The following MYOCOS variants were observed in gnomAD, a reference collection of about 807,000 sequenced individuals.
MYOCOS encodes the protein myocilin opposite strand protein.
At chr1:171,607,963 A>G (rs1652281638) in intron 1 of MYOCOS, among the ~76,000 whole-genome samples, 1 of 152,244 alleles carries the variant, frequency 6.6e-6, no homozygotes. Flanking sequence ...CAAAAGGCAC[A>G]TCTTACATGG....
At chr1:171,624,603 A>T (rs1652655249) in intron 2 of MYOCOS, among the ~76,000 whole-genome samples, 1 of 151,702 alleles carries the variant, frequency 6.6e-6, no homozygotes, top group Non-Finnish European at 1.5e-5. Context: ...CGCCCGGCTA[A>T]TATTTTGTGT....
At chr1:171,616,884 CA>C (rs1222422176) in intron 2 of MYOCOS, among the ~76,000 whole-genome samples, 8 of 152,176 alleles carry the variant, frequency 5.3e-5, no homozygotes, top group Admixed American at 2.0e-4. Flanking sequence ...GTAGCCATAA[CA>C]TGGGAAGGTT....
At chr1:171,605,396 A>C (rs7553131) in intron 1 of MYOCOS, among the ~76,000 whole-genome samples, 2,743 of 120,810 alleles carry the variant, frequency 0.023, 42 homozygotes, top group African/African-American at 0.052. Flanking sequence ...CACACACACA[A>C]AAAAAAAAAA....
Position 171,613,872 on chromosome 1 carries a change from G to A in MYOCOS, c.-251-926G>A, listed in dbSNP as rs539525685. On this transcript the variant is annotated intron_variant, in intron 1 of 3. Coordinates refer to the MYOCOS transcript ENST00000636697. ...CCTCAGCTTTTACTGCCCTTTGGCTGTGGGAAATGAAAGCCTCTTTATATG... is the reference window on the plus strand; with the variant it reads ...CCTCAGCTTTTACTGCCCTTTGGCTATGGGAAATGAAAGCCTCTTTATATG... Among the ~76,000 whole-genome samples the A allele has an allele frequency of 4.5e-5, 6 of 133,056 alleles. No individual in the cohort carries two copies. The South Asian group carries it at 8.3e-4, about 18-fold the overall frequency. The allele number at this position is 133,056 out of a possible 152,430, so 87.3% of individuals were successfully genotyped here. A position where few individuals can be genotyped will look rare whatever the true frequency, so the allele number is the denominator to read the frequency against.
chr1:171,611,513 C>T (rs1273599713), intron 1 of MYOCOS, among the ~76,000 whole-genome samples: 1 of 152,200 alleles, frequency 6.6e-6, no homozygotes, highest in Non-Finnish European at 1.5e-5. Flanking sequence ...TGCAGATGAA[C>T]TTACATTGTA....
intron 2 of MYOCOS, among the ~76,000 whole-genome samples, chr1:171,625,696 G>A (rs1241054915): frequency 6.6e-6 from 1 of 152,198 alleles, no homozygotes; most frequent in Non-Finnish European, 1.5e-5. Context: ...TAGGCCAAAG[G>A]GAGCTGTGAA....
intron 1 of MYOCOS, among the ~76,000 whole-genome samples, chr1:171,608,677 T>G (rs1455503013): frequency 6.6e-6 from 1 of 152,066 alleles, no homozygotes; most frequent in Non-Finnish European, 1.5e-5. Flanking sequence ...CGCCTCGGCC[T>G]CCCAAAGGGC....
chr1:171,621,674 C>G (rs10913314), upstream of MYOCOS, among the ~76,000 whole-genome samples: 36,431 of 151,886 alleles, frequency 0.24, 4,413 homozygotes, highest in South Asian at 0.35. Context: ...CGCGCCTGGC[C>G]TCTGTTGTGG....
upstream of MYOCOS, among the ~76,000 whole-genome samples, chr1:171,618,056 G>GAGT (rs1652483593): frequency 6.6e-6 from 1 of 152,242 alleles, no homozygotes; most frequent in Non-Finnish European, 1.5e-5. Context: ...TGTGTTGGAG[G>GAGT]TTTGAGGACA....
At chr1:171,603,621 A>G in intron 1 of MYOCOS, among the ~76,000 whole-genome samples, 1 of 152,246 alleles carries the variant, frequency 6.6e-6, no homozygotes, top group East Asian at 1.9e-4. Flanking sequence ...TGAGCTTTTC[A>G]TGAGTTAAAA....
At chr1:171,618,662 G>A (rs1372228229), upstream of MYOCOS, among the ~76,000 whole-genome samples, 7 of 152,108 alleles carry the variant, frequency 4.6e-5, no homozygotes, top group East Asian at 3.9e-4. Context: ...TGCAACCTCC[G>A]CCTCCTGGGT....
At chr1:171,618,048 T>G (rs1266227591), upstream of MYOCOS, among the ~76,000 whole-genome samples, 1 of 152,168 alleles carries the variant, frequency 6.6e-6, no homozygotes, top group Non-Finnish European at 1.5e-5. Flanking sequence ...TGGGAAGATG[T>G]GTTGGAGGTT....
chr1:171,612,501 T>A (rs1308353746), intron 1 of MYOCOS, among the ~76,000 whole-genome samples: 1 of 151,962 alleles, frequency 6.6e-6, no homozygotes, highest in Non-Finnish European at 1.5e-5. Context: ...ACTTAGCATT[T>A]CCCACTACAA....
chr1:171,602,587 A>T (rs1652163845), intron 1 of MYOCOS, among the ~76,000 whole-genome samples: 1 of 152,178 alleles, frequency 6.6e-6, no homozygotes, highest in South Asian at 2.1e-4. Flanking sequence ...AACAAAAATT[A>T]TAAAAAGTTA....
intron 1 of MYOCOS, among the ~76,000 whole-genome samples, chr1:171,609,884 A>G (rs1652324950): frequency 6.6e-6 from 1 of 152,204 alleles, no homozygotes; most frequent in Non-Finnish European, 1.5e-5. Context: ...AAGATCTTTC[A>G]TGAATTTGCT....
chr1:171,625,178 C>T (rs1175128750), intron 2 of MYOCOS, among the ~76,000 whole-genome samples: 4 of 152,152 alleles, frequency 2.6e-5, no homozygotes, highest in Non-Finnish European at 4.4e-5. Flanking sequence ...CGGGTTTAGA[C>T]CGTGAGAGTG....
At chr1:171,619,965 C>T (rs1170381056), upstream of MYOCOS, among the ~76,000 whole-genome samples, 1 of 150,936 alleles carries the variant, frequency 6.6e-6, no homozygotes, top group Non-Finnish European at 1.5e-5. Context: ...ACTCCAAGTT[C>T]TTCAGTTTTG....
chr1:171,622,127 T>C (rs1652587766), upstream of MYOCOS: 1 of 152,182 alleles, frequency 6.6e-6, no homozygotes, highest in Non-Finnish European at 1.5e-5. Flanking sequence ...TCAGTGATTA[T>C]TGATGGCACT....
chr1:171,617,319 C>T (rs1029436110), upstream of MYOCOS, among the ~76,000 whole-genome samples: 11 of 151,942 alleles, frequency 7.2e-5, no homozygotes, highest in African/African-American at 2.4e-4. Context: ...ACCTGACACG[C>T]GATTAAGTGA....
Sources: allele counts gnomAD v4.1 joint callset (sites outside exome capture counted in the v4.1 genomes callset), GRCh38; gene constraint gnomAD v4.1.1; transcripts MANE v1.5; gene names NCBI Gene and HGNC (gene_info 2026-07-23, HGNC 2026-07-21).